RBMS1: variants seen among roughly 807,000 people sequenced by gnomAD.
RBMS1 encodes RNA-binding motif, single-stranded-interacting protein 1.
RBMS1 carries 17 observed loss-of-function variants against 62.3 expected under a neutral mutation model. That is an observed-to-expected ratio of 0.27 (90% CI 0.19 to 0.41). The LOEUF is 0.41. Ranked by LOEUF, RBMS1 falls within the 10% of genes least tolerant of loss-of-function variation. RBMS1 has a pLI of 1.00. For missense variants in RBMS1, 334 were observed against 504.5 expected (o/e 0.66, Z 3.24); for synonymous variants, 172 against 170.0 (o/e 1.01, Z -0.09).
chr2:160,309,690 T>C (rs1422455247), intron 4 of RBMS1, among the ~76,000 whole-genome samples: 1 of 152,130 alleles, frequency 6.6e-6, no homozygotes, highest in East Asian at 1.9e-4. Context: ...AAGCATTCCA[T>C]GAGAGAAAAC....
intron 1 of RBMS1, among the ~76,000 whole-genome samples, 157 bp downstream of exon 1, chr2:160,493,132 C>G (rs1318406091): frequency 6.6e-6 from 1 of 152,148 alleles, no homozygotes; most frequent in Non-Finnish European, 1.5e-5. Context: ...CGCGCGCCGC[C>G]CGGCTCTGCC....
At chr2:160,384,619 A>G (rs1694469589) in intron 1 of RBMS1, among the ~76,000 whole-genome samples, 1 of 152,244 alleles carries the variant, frequency 6.6e-6, no homozygotes. Flanking sequence ...GACCTTGGGC[A>G]AAGCATTTAA....
chr2:160,422,362 T>C (rs891492719), intron 1 of RBMS1, among the ~76,000 whole-genome samples: 3 of 152,356 alleles, frequency 2.0e-5, no homozygotes, highest in Non-Finnish European at 4.4e-5. Context: ...ACTGACATCA[T>C]TGTGTATCAT....
chr2:160,377,889 A>G (rs1694082577), intron 1 of RBMS1, among the ~76,000 whole-genome samples: 1 of 152,240 alleles, frequency 6.6e-6, no homozygotes, highest in African/African-American at 2.4e-5. Flanking sequence ...CTGGGCTTCC[A>G]GTCCCGACAC....
intron 1 of RBMS1, among the ~76,000 whole-genome samples, chr2:160,388,618 A>C (rs1291870558): frequency 1.3e-5 from 2 of 152,014 alleles, no homozygotes; most frequent in African/African-American, 2.4e-5. Flanking sequence ...AACTCTTCCA[A>C]ATGACACTTG....
chr2:160,422,142 A>G (rs933198741), intron 1 of RBMS1, among the ~76,000 whole-genome samples: 2 of 152,226 alleles, frequency 1.3e-5, no homozygotes, highest in Non-Finnish European at 2.9e-5. Flanking sequence ...AACAAAGCAG[A>G]CATTTCAGTT....
intron 1 of RBMS1, among the ~76,000 whole-genome samples, chr2:160,425,574 C>T (rs1037001408): frequency 1.3e-5 from 2 of 152,120 alleles, no homozygotes; most frequent in Non-Finnish European, 2.9e-5. Context: ...GGAATCATCA[C>T]TTGGAAAGTG....
At chr2:160,348,240 G>A (rs1273052720) in intron 2 of RBMS1, among the ~76,000 whole-genome samples, 1 of 152,010 alleles carries the variant, frequency 6.6e-6, no homozygotes. Flanking sequence ...GTATTTTAAA[G>A]GTGTCTCATT....
intron 1 of RBMS1, among the ~76,000 whole-genome samples, chr2:160,381,126 G>C (rs187294147): frequency 6.6e-6 from 1 of 152,164 alleles, no homozygotes; most frequent in African/African-American, 2.4e-5. Flanking sequence ...CTTCATCTCT[G>C]TTCTCCCTAA....
intron 1 of RBMS1, among the ~76,000 whole-genome samples, chr2:160,433,407 T>C (rs1048642622): frequency 6.6e-6 from 1 of 152,306 alleles, no homozygotes; most frequent in Admixed American, 6.5e-5. Context: ...GTGTGAGACC[T>C]TGTCGCCAGA....
chr2:160,362,588 T>G lies in RBMS1; in HGVS notation c.251+4628A>C, dbSNP rs535996437. ...AGTCCTATATGGGAATGGTTTGTGGTGCCCCAAAACAATGAACATTAAAGA... is the reference window on the plus strand; with the variant it reads ...AGTCCTATATGGGAATGGTTTGTGGGGCCCCAAAACAATGAACATTAAAGA... On this transcript the variant is annotated intron_variant, in intron 2 of 13. Coordinates refer to ENST00000348849, the MANE Select transcript of RBMS1 (RefSeq NM_016836.4). Among the ~76,000 whole-genome samples, 18 of 152,292 alleles carry G rather than the reference T, an allele frequency of 1.2e-4. No homozygotes were observed. The South Asian group carries it at 3.5e-3, about 30-fold the overall frequency.
At chr2:160,394,035 G>A (rs988909981) in intron 1 of RBMS1, among the ~76,000 whole-genome samples, 1 of 152,140 alleles carries the variant, frequency 6.6e-6, no homozygotes. Flanking sequence ...GTATCACATC[G>A]CAGAATTCAT....
chr2:160,340,560 A>G (rs116640422), intron 2 of RBMS1, among the ~76,000 whole-genome samples: 9 of 152,240 alleles, frequency 5.9e-5, no homozygotes, highest in Admixed American at 1.3e-4. Flanking sequence ...TGAGGAACCA[A>G]CAACACTTGA....
intron 1 of RBMS1, chr2:160,492,922 G>C (rs1220127576): frequency 9.3e-6 from 2 of 213,950 alleles, no homozygotes; most frequent in African/African-American, 4.6e-5. Context: ...CGAAAAGCCG[G>C]GCCACCAGCG....
intron 1 of RBMS1, among the ~76,000 whole-genome samples, chr2:160,385,170 G>A (rs187125446): frequency 4.1e-4 from 63 of 152,144 alleles, no homozygotes; most frequent in Admixed American, 1.2e-3. Flanking sequence ...CCCAGCCTTG[G>A]ATATTTCTTT....
intron 4 of RBMS1, among the ~76,000 whole-genome samples, chr2:160,311,232 C>CTATATCTATATATA (rs1689865559): frequency 1.3e-5 from 1 of 79,252 alleles, no homozygotes; most frequent in African/African-American, 4.4e-5. Flanking sequence ...ATCTATCTAT[C>CTATATCTATATATA]TATATATATA....
In RBMS1 at chr2:160,303,351, C is replaced by G; in HGVS notation, c.539G>C (p.Ser180Thr). ...TTACCTAGCAAAGCCAACACCACGA[C>G]TTGTACCACTGGAATCACGTAGTAT... ...TRILRDSSGT[S>T]RGVGFARMES... is the part of the protein sequence containing the mutation. The change falls in exon 5 of 14, where the codon AGT (serine) becomes ACT (threonine). Residue 180 changes from serine (S) to threonine (T), a missense_variant. Physicochemically the swap from Ser to Thr is moderately conservative, Grantham distance 58. Coordinates refer to ENST00000348849, the MANE Select transcript of RBMS1 (RefSeq NM_016836.4). The G allele has an allele frequency of 6.2e-7, 1 of 1,610,622 alleles. No homozygotes were observed. Among genetic ancestry groups the G allele is most frequent in the Non-Finnish European group, 8.5e-7 (1 of 1,178,640 alleles).
At chr2:160,419,125 T>C (rs1052762411) in intron 1 of RBMS1, among the ~76,000 whole-genome samples, 1 of 152,198 alleles carries the variant, frequency 6.6e-6, no homozygotes, top group African/African-American at 2.4e-5. Flanking sequence ...CATTCTAATT[T>C]ACCAGCCAAA....
chr2:160,391,932 C>T (rs1425746994), intron 1 of RBMS1, among the ~76,000 whole-genome samples: 1 of 151,756 alleles, frequency 6.6e-6, no homozygotes, highest in Non-Finnish European at 1.5e-5. Flanking sequence ...TGCACTACAG[C>T]CTGGGGCGCA....
Sources: allele counts gnomAD v4.1 joint callset (sites outside exome capture counted in the v4.1 genomes callset), GRCh38; gene constraint gnomAD v4.1.1; transcripts MANE v1.5; gene names NCBI Gene and HGNC (gene_info 2026-07-23, HGNC 2026-07-21).